The following GPR149 variants were observed in gnomAD, a reference collection of about 807,000 sequenced individuals.
GPR149 encodes G protein-coupled receptor 149.
Under a neutral mutation model 50.2 loss-of-function variants are expected in GPR149, and 50 were observed. The observed-to-expected ratio is 1.00, with a 90% CI of 0.79 to 1.26. GPR149 has a LOEUF of 1.26. Among genes scored for constraint, GPR149 ranks in the 50% most tolerant of loss-of-function variants. The probability of loss-of-function intolerance (pLI) is 0.00; values close to 1 mark genes in which losing one functional copy is unlikely to be tolerated. For synonymous variants in GPR149, 405 were observed against 358.2 expected, an observed-to-expected ratio of 1.13 and a Z score of -1.48; for missense variants, 983 against 895.4, an observed-to-expected ratio of 1.10 and a Z score of -1.25.
At chr3:154,380,822 G>A (rs1714905698) in intron 3 of GPR149, among the ~76,000 whole-genome samples, 1 of 152,160 alleles carries the variant, frequency 6.6e-6, no homozygotes. Context: ...GCCAATGTCA[G>A]ATATGGGGTT....
intron 3 of GPR149, among the ~76,000 whole-genome samples, chr3:154,372,996 G>C (rs1210187448): frequency 1.3e-5 from 2 of 152,162 alleles, no homozygotes; most frequent in African/African-American, 4.8e-5. Context: ...TCAGTAGCAG[G>C]AGATTGGGTC....
chr3:154,339,341 ATGT>A (rs983892473), intron 3 of GPR149, among the ~76,000 whole-genome samples: 9 of 152,216 alleles, frequency 5.9e-5, no homozygotes, highest in African/African-American at 2.2e-4. Context: ...AACTAAAGAA[ATGT>A]TGTAGTCCAG....
chr3:154,390,776 T>G lies in GPR149; in HGVS notation c.1623+30263A>C, dbSNP rs145068364. Among the ~76,000 whole-genome samples the G allele has an allele frequency of 1.3e-4, 20 of 152,120 alleles. No homozygotes were observed. In the East Asian group the frequency reaches 2.3e-3, roughly 18 times the overall value. ...TTCACAGTGAGACACATAATTGAAC[T>G]GACAAAATTTGAAGACAAAGAGAGA... On this transcript the variant is annotated intron_variant, in intron 3 of 3. Transcript: ENST00000389740.
chr3:154,353,700 G>A (rs1016878442), intron 3 of GPR149: 7 of 1,208,636 alleles, frequency 5.8e-6, no homozygotes, highest in Non-Finnish European at 4.8e-6. Context: ...AAGTACCTTT[G>A]TTGAGCAGCT....
chr3:154,420,145 G>A (rs1187698634), intron 3 of GPR149, among the ~76,000 whole-genome samples: 1 of 151,868 alleles, frequency 6.6e-6, no homozygotes, highest in Non-Finnish European at 1.5e-5. Flanking sequence ...ATTACTCCTA[G>A]CAGTGTATTT....
At chr3:154,360,668 A>G (rs1379114488) in intron 3 of GPR149, among the ~76,000 whole-genome samples, 1 of 152,206 alleles carries the variant, frequency 6.6e-6, no homozygotes, top group Non-Finnish European at 1.5e-5. Context: ...AATATGAGGC[A>G]GATACTACTC....
At chr3:154,382,875 T>C (rs982395481) in intron 3 of GPR149, among the ~76,000 whole-genome samples, 1 of 152,232 alleles carries the variant, frequency 6.6e-6, no homozygotes, top group African/African-American at 2.4e-5. Context: ...ATTCAGTGAA[T>C]TAGTCATTCA....
chr3:154,428,882 G>A lies in GPR149; in HGVS notation c.734C>T (p.Ala245Val), dbSNP rs781135029. The A allele has an allele frequency of 5.0e-6, 8 of 1,613,974 alleles. No individual in the cohort carries two copies. The highest frequency in any genetic ancestry group is 6.8e-6 in the Non-Finnish European group (8 of 1,179,930). The stretch of plus-strand genomic sequence containing the variant: ...TGGGGACAGGGAAACCACTCTCCCC[G>A]CAGTAGGAGGGGTCCCAGGAATTGA... ...GASIPGTPPT[A>V]GRVVSLSPED... The change falls in exon 1 of 4, where the codon GCG (alanine) becomes GTG (valine). Residue 245 changes from alanine to valine, a missense_variant. Physicochemically the swap from Ala to Val is moderately conservative, Grantham distance 64 (BLOSUM62 0). Transcript: ENST00000389740.
In GPR149 at chr3:154,421,356, C is replaced by T. The variant is rs1219768482; in HGVS notation, c.1306G>A (p.Glu436Lys). 1 of 1,613,128 alleles carries T rather than the reference C, an allele frequency of 6.2e-7. No individual in the cohort carries two copies. Among genetic ancestry groups the T allele is most frequent in the Non-Finnish European group, 8.5e-7 (1 of 1,179,380 alleles). Residue 436 changes from glutamate to lysine, a missense_variant, in exon 3 of 4, where the codon GAA becomes AAA. By Grantham distance (56) the Glu-to-Lys change is moderately conservative (BLOSUM62 1). Transcript: ENST00000389740. The stretch of plus-strand genomic sequence containing the variant: ...TCTCTCTGAGGGTCTTTTGTAGTTT[C>T]ACACTCAGAGTTCATCAGGTTGTGA... ...FYHNLMNSEC[E>K]TTKDPQRDNR...
rs1421242700 is a variant in GPR149 at position 154,337,565 on chromosome 3, CA to C, written c.*133del. On this transcript the variant is annotated 3_prime_UTR_variant, in exon 4 of 4. Coordinates refer to ENST00000389740, the MANE Select transcript of GPR149 (RefSeq NM_001038705.3). ...TTTACACTAGTTCCAGTTGTTCCCA[CA>C]AAAAAATTAACTATTAAATCAGTAA... The C allele has an allele frequency of 1.4e-5, 10 of 694,086 alleles. No homozygotes were observed. The highest frequency in any genetic ancestry group is 1.1e-4 in the South Asian group (4 of 36,122). The allele number at this position is 694,086 out of a possible 1,614,324, so 43.0% of individuals were successfully genotyped here.
At position 154,429,206 on chromosome 3, in the gene GPR149, C is replaced by G. The variant is rs570344076; in HGVS notation, c.410G>C (p.Gly137Ala). ...VSYNFYTMHR[G>A]VGSQTASRRS... ...TCTGGAGGCTGTCTGGCTCCCCACA[C>G]CTCTGTGCATCGTATAAAAGTTGTA... Residue 137 changes from glycine to alanine, a missense_variant, in exon 1 of 4, where the codon GGT (glycine) becomes GCT (alanine). Transcript: ENST00000389740. The G allele has an allele frequency of 3.7e-4, 597 of 1,614,176 alleles. 7 individuals are homozygous for G. In the South Asian group the frequency reaches 6.3e-3, roughly 17 times the overall value.
At chr3:154,341,337 AT>A (rs1713795893) in intron 3 of GPR149, among the ~76,000 whole-genome samples, 5 of 130,004 alleles carry the variant, frequency 3.8e-5, no homozygotes, top group African/African-American at 6.0e-5. Context: ...ATATATATAT[AT>A]ATAAAATGAG....
Position 154,338,261 on chromosome 3 carries a change from T to A in GPR149, c.1634A>T (p.Tyr545Phe), listed in dbSNP as rs748384717. The change falls in exon 4 of 4, where the codon TAT becomes TTT. Residue 545 changes from tyrosine (Y) to phenylalanine (F), a missense_variant. Coordinates refer to ENST00000389740, the MANE Select transcript of GPR149 (RefSeq NM_001038705.3). Reference sequence around the variant, plus strand: ...TGCACACAAGGGAATGGCAAGGGCATAACCGGAACGCTGGGGACAAAAACA... The same window carrying A: ...TGCACACAAGGGAATGGCAAGGGCAAAACCGGAACGCTGGGGACAAAAACA... Reference protein sequence around the residue: ...SERTPRQRSGYALAIPLCAFQ... With the variant: ...SERTPRQRSGFALAIPLCAFQ... The A allele has an allele frequency of 3.2e-6, 5 of 1,559,438 alleles. No homozygotes were observed. The highest frequency in any genetic ancestry group is 2.0e-5 in the Admixed American group (1 of 49,922).
intron 3 of GPR149, among the ~76,000 whole-genome samples, chr3:154,355,739 AC>A (rs920283445): frequency 4.3e-4 from 66 of 152,320 alleles, no homozygotes; most frequent in African/African-American, 1.6e-3. Flanking sequence ...AATGATAAGC[AC>A]TCATTCAATT....
At chr3:154,353,554 C>T in intron 3 of GPR149, 1 of 983,170 alleles carries the variant, frequency 1.0e-6, no homozygotes, top group Admixed American at 1.7e-5. Context: ...ACCAAGATGT[C>T]AATACCATTT....
intron 2 of GPR149, among the ~76,000 whole-genome samples, chr3:154,425,012 C>T (rs999254867): frequency 6.6e-6 from 1 of 151,842 alleles, no homozygotes; most frequent in Non-Finnish European, 1.5e-5. Flanking sequence ...TGTCTACTGC[C>T]TGAGACCTCT....
At chr3:154,341,323 AT>A (rs1559968365) in intron 3 of GPR149, among the ~76,000 whole-genome samples, 2 of 90,630 alleles carry the variant, frequency 2.2e-5, no homozygotes, top group African/African-American at 4.0e-5. Context: ...ATATATATAT[AT>A]ATATATATAT....
At chr3:154,383,074 C>G (rs1008669381) in intron 3 of GPR149, among the ~76,000 whole-genome samples, 1 of 152,066 alleles carries the variant, frequency 6.6e-6, no homozygotes, top group African/African-American at 2.4e-5. Context: ...CTGGGGCCAG[C>G]CTGCAGGAAA....
rs565714911 is a variant in GPR149 at position 154,345,560 on chromosome 3, G to C, written c.1624-7289C>G. On this transcript the variant is annotated intron_variant, in intron 3 of 3. Transcript: ENST00000389740. ...GCTTTTTATTTGGTAATAAAGAGCA[G>C]TCTTTAAGCCACACAAATGCTCCAG... is the stretch of plus-strand genomic sequence containing the variant. Among the ~76,000 whole-genome samples the C allele has an allele frequency of 4.6e-5, 7 of 152,278 alleles. No homozygotes were observed. In the East Asian group the frequency reaches 1.4e-3, roughly 29 times the overall value.
Sources: allele counts gnomAD v4.1 joint callset (sites outside exome capture counted in the v4.1 genomes callset), GRCh38; gene constraint gnomAD v4.1.1; transcripts MANE v1.5; gene names NCBI Gene and HGNC (gene_info 2026-07-23, HGNC 2026-07-21).